Variants in TTC7A observed in about 807,000 individuals in gnomAD.
The protein encoded by TTC7A is tetratricopeptide repeat protein 7A.
Under a neutral mutation model 103.7 loss-of-function variants are expected in TTC7A, and 110 were observed. The ratio of observed to expected loss-of-function variants is 1.06; its 90% CI spans 0.91 to 1.24. The LOEUF is 1.24. Ranked by LOEUF, TTC7A falls within the 50% of genes most tolerant of loss-of-function variation. TTC7A has a pLI of 0.00. For synonymous variants in TTC7A, 521 were observed against 467.9 expected, an observed-to-expected ratio of 1.11 and a Z score of -1.47; for missense variants, 1,340 against 1,116.3, an observed-to-expected ratio of 1.20 and a Z score of -2.86.
chr2:46,997,775 T>A (rs1312380399), intron 8 of TTC7A, among the ~76,000 whole-genome samples: 2 of 152,016 alleles, frequency 1.3e-5, no homozygotes, highest in Non-Finnish European at 2.9e-5. Flanking sequence ...GTGAGGATGG[T>A]CATAATTTTT....
chr2:47,072,094 G>A (rs1684784444), intron 19 of TTC7A, among the ~76,000 whole-genome samples: 1 of 151,126 alleles, frequency 6.6e-6, no homozygotes, highest in African/African-American at 2.5e-5. Context: ...CTGGGGTCTG[G>A]CCCTTGGGTC....
At chr2:47,052,618 T>A (rs763235998) in intron 18 of TTC7A, among the ~76,000 whole-genome samples, 2 of 151,932 alleles carry the variant, frequency 1.3e-5, no homozygotes, top group Non-Finnish European at 2.9e-5. Context: ...GTTTTGAAAA[T>A]TTACCCTGAC....
rs372956308 is a variant in TTC7A at position 47,070,715 on chromosome 2, A to G, written c.2356-2987A>G. ...CTCCCTGAGATCCAGGAAGGGAGAG[A>G]AGGAGGGTCCTGAGGTGGGAATTTC... On this transcript the variant is annotated intron_variant, in intron 19 of 19. Transcript: ENST00000319190. 6.8e-5 allele frequency among the ~76,000 whole-genome samples: 10 copies of G among 146,956 alleles called. 1 individual carries two copies. Among genetic ancestry groups the G allele is most frequent in the Admixed American group, 6.6e-5 (1 of 15,084 alleles).
At chr2:46,971,881 G>T (rs1673387448) in intron 3 of TTC7A, among the ~76,000 whole-genome samples, 1 of 150,840 alleles carries the variant, frequency 6.6e-6, no homozygotes, top group East Asian at 2.0e-4. Flanking sequence ...TAGTTCAGAA[G>T]GACAGCACTC....
Position 46,916,188 on chromosome 2 carries a change from T to G in TTC7A, c.-402T>G, listed in dbSNP as rs1668780601. ...TACAGGGCTCTTGGTTCAGGTCTCT[T>G]GGTTCGTCCTGCTGCAAGTTGGGAA... On this transcript the variant is annotated 5_prime_UTR_variant, in exon 1 of 21. Coordinates refer to the TTC7A transcript ENST00000409245. The G allele has an allele frequency of 1.1e-5, 11 of 981,968 alleles. No homozygotes were observed. In the South Asian group the frequency reaches 5.2e-4, roughly 46 times the overall value. The allele number at this position is 981,968 out of a possible 1,614,324, so 60.8% of individuals were successfully genotyped here. A position where few individuals can be genotyped will look rare whatever the true frequency, so the allele number is the denominator to read the frequency against.
intron 5 of TTC7A, among the ~76,000 whole-genome samples, chr2:46,984,217 A>G (rs554571630): frequency 6.6e-6 from 1 of 152,362 alleles, no homozygotes; most frequent in East Asian, 1.9e-4. Context: ...CTTATCTGAT[A>G]GGCTACACTG....
chr2:47,038,242 G>A (rs1232923157), intron 15 of TTC7A, among the ~76,000 whole-genome samples: 1 of 146,732 alleles, frequency 6.8e-6, no homozygotes, highest in Non-Finnish European at 1.5e-5. Context: ...TTGGGCGTCA[G>A]AGCGAGACTC....
intron 3 of TTC7A, among the ~76,000 whole-genome samples, chr2:46,970,813 C>A (rs1467534532): frequency 6.6e-6 from 1 of 152,234 alleles, no homozygotes; most frequent in Non-Finnish European, 1.5e-5. Context: ...GATCCTCCCC[C>A]TCCTGGTTGT....
rs117118997 is a variant in TTC7A at position 47,025,502 on chromosome 2, G to A, written c.1641+1143G>A. Among the ~76,000 whole-genome samples, 148 of 152,284 alleles carry A rather than the reference G, an allele frequency of 9.7e-4. 5 individuals carry two copies. The East Asian group carries it at 0.026, about 26-fold the overall frequency. ...TGGGGCAAGCCAGGCTCTGCCCTGC[G>A]TCAGCCTGGCTCCTCCTCTCGTCAC... On this transcript the variant is annotated intron_variant, in intron 14 of 19. Transcript: ENST00000319190.
chr2:46,943,174 A>G lies in TTC7A; in HGVS notation c.184+1449A>G, dbSNP rs143171227. Among the ~76,000 whole-genome samples the G allele has an allele frequency of 1.9e-3, 289 of 152,310 alleles. 1 individual carries two copies. The highest frequency in any genetic ancestry group is 6.7e-3 in the African/African-American group (277 of 41,568). On this transcript the variant is annotated intron_variant, in intron 1 of 19. Coordinates refer to ENST00000319190, the MANE Select transcript of TTC7A (RefSeq NM_020458.4). ...CACCTGGGCCTCCCAAAGTGCTGGG[A>G]TTACAGGCATGAACCACTGTGTCTG... is the stretch of plus-strand genomic sequence containing the variant.
chr2:47,056,721 G>A (rs764151720), intron 18 of TTC7A, among the ~76,000 whole-genome samples: 6 of 152,202 alleles, frequency 3.9e-5, no homozygotes, highest in Non-Finnish European at 1.5e-5. Context: ...GAGGAGAGGG[G>A]GTGGAGAGAG....
intron 15 of TTC7A, among the ~76,000 whole-genome samples, chr2:47,036,931 T>TC (rs936318000): frequency 1.1e-4 from 17 of 152,122 alleles, no homozygotes; most frequent in African/African-American, 3.9e-4. Flanking sequence ...ACTCAGCATA[T>TC]CCCCCGCATC....
chr2:47,019,909 A>C (rs754928777), intron 11 of TTC7A, among the ~76,000 whole-genome samples: 1 of 152,190 alleles, frequency 6.6e-6, no homozygotes, highest in Non-Finnish European at 1.5e-5. Context: ...ATTAGGAAGA[A>C]AAGAGCGTGC....
intron 8 of TTC7A, among the ~76,000 whole-genome samples, chr2:46,995,666 G>GT (rs1453690233): frequency 6.6e-6 from 1 of 152,144 alleles, no homozygotes; most frequent in Non-Finnish European, 1.5e-5. Flanking sequence ...CTGAGCCTCC[G>GT]TTTTCTCCCC....
intron 2 of TTC7A, among the ~76,000 whole-genome samples, chr2:46,935,198 C>T (rs1170622148): frequency 2.6e-5 from 4 of 152,100 alleles, no homozygotes; most frequent in Non-Finnish European, 5.9e-5. Context: ...TGGAAAAGAG[C>T]TGTGAAGGGG....
At chr2:46,982,646 C>T (rs1674586503) in intron 5 of TTC7A, among the ~76,000 whole-genome samples, 2 of 152,142 alleles carry the variant, frequency 1.3e-5, no homozygotes, top group African/African-American at 2.4e-5. Context: ...TATATGTGAA[C>T]ACCCACCCAC....
At chr2:46,928,440 A>G (rs1360718539) in intron 2 of TTC7A, among the ~76,000 whole-genome samples, 1 of 147,072 alleles carries the variant, frequency 6.8e-6, no homozygotes, top group African/African-American at 2.5e-5. Flanking sequence ...TTTCAAGCTC[A>G]GGTGGTGGAA....
intron 18 of TTC7A, among the ~76,000 whole-genome samples, chr2:47,056,276 T>C (rs1683305558): frequency 6.6e-6 from 1 of 152,254 alleles, no homozygotes; most frequent in African/African-American, 2.4e-5. Context: ...CTTATTTCCT[T>C]TGGGTCACCC....
At chr2:47,043,442 C>T (rs551146727) in intron 15 of TTC7A, among the ~76,000 whole-genome samples, 3 of 152,244 alleles carry the variant, frequency 2.0e-5, no homozygotes, top group Admixed American at 2.0e-4. Context: ...AAGCACAGCA[C>T]GGATGAGTCC....
Sources: allele counts gnomAD v4.1 joint callset (sites outside exome capture counted in the v4.1 genomes callset), GRCh38; gene constraint gnomAD v4.1.1; transcripts MANE v1.5; gene names NCBI Gene and HGNC (gene_info 2026-07-23, HGNC 2026-07-21).